The following PLCZ1 variants were observed in gnomAD, a reference collection of about 807,000 sequenced individuals.
The protein encoded by PLCZ1 is 1-phosphatidylinositol 4,5-bisphosphate phosphodiesterase zeta-1.
Under a neutral mutation model 76.8 loss-of-function variants are expected in PLCZ1, and 64 were observed. That is an observed-to-expected ratio of 0.83 (90% CI 0.68 to 1.03). PLCZ1 has a LOEUF of 1.03. Among genes scored for constraint, PLCZ1 ranks in the 50% least tolerant of loss-of-function variants. The pLI is 0.00. For missense variants in PLCZ1, 751 were observed against 713.7 expected (o/e 1.05, Z -0.60); for synonymous variants, 248 against 230.8 (o/e 1.07, Z -0.68).
chr12:18,696,548 T>C (rs1389669489), intron 10 of PLCZ1, among the ~76,000 whole-genome samples: 8 of 151,806 alleles, frequency 5.3e-5, no homozygotes, highest in African/African-American at 1.9e-4. Context: ...ATAATTTATA[T>C]ATTTTTTACA....
chr12:18,688,925 C>G (rs1953618679), intron 12 of PLCZ1, among the ~76,000 whole-genome samples: 1 of 148,194 alleles, frequency 6.7e-6, no homozygotes, highest in South Asian at 2.1e-4. Context: ...TAAGGAGAAA[C>G]AAATATATAA....
intron 13 of PLCZ1, among the ~76,000 whole-genome samples, chr12:18,685,830 T>TCA (rs1953033793): frequency 1.6e-5 from 2 of 123,166 alleles, no homozygotes; most frequent in South Asian, 2.4e-4. Flanking sequence ...TCTCTCTCTG[T>TCA]CACACACACA....
the PLCZ1 span, among the ~76,000 whole-genome samples, chr12:18,649,776 G>T: frequency 6.6e-6 from 1 of 152,140 alleles, no homozygotes; most frequent in Non-Finnish European, 1.5e-5. Flanking sequence ...GATACAATGA[G>T]TAACTCTATC....
the PLCZ1 span, among the ~76,000 whole-genome samples, chr12:18,655,987 A>C: frequency 3.6e-4 from 55 of 152,200 alleles, no homozygotes; most frequent in Admixed American, 9.2e-4. Flanking sequence ...GTAAATTTTA[A>C]TTAAAGTGGA....
At chr12:18,654,561 G>C in the PLCZ1 span, among the ~76,000 whole-genome samples, 1 of 152,164 alleles carries the variant, frequency 6.6e-6, no homozygotes, top group African/African-American at 2.4e-5. Flanking sequence ...AACTGCAAAT[G>C]AGCAAAATTA....
At chr12:18,687,264 A>G (rs7488761) in intron 13 of PLCZ1, among the ~76,000 whole-genome samples, 1 of 152,148 alleles carries the variant, frequency 6.6e-6, no homozygotes, top group South Asian at 2.1e-4. Context: ...GTTAGAAATT[A>G]TTATCCAAGA....
At chr12:18,736,935 A>G (rs1202672031) in intron 2 of PLCZ1, among the ~76,000 whole-genome samples, 1 of 147,952 alleles carries the variant, frequency 6.8e-6, no homozygotes, top group African/African-American at 2.5e-5. Context: ...TGGTGAGTGT[A>G]TATTTGGTAT....
chr12:18,652,723 T>C, the PLCZ1 span, among the ~76,000 whole-genome samples: 1 of 152,140 alleles, frequency 6.6e-6, no homozygotes, highest in Admixed American at 6.6e-5. Flanking sequence ...TCATACAATG[T>C]TGCAAAGTTC....
At chr12:18,679,798 G>A (rs1406035804), downstream of PLCZ1, among the ~76,000 whole-genome samples, 1 of 151,892 alleles carries the variant, frequency 6.6e-6, no homozygotes, top group Non-Finnish European at 1.5e-5. Context: ...GTAGAAAAAG[G>A]GCACTTATCC....
chr12:18,705,648 C>T (rs1307471261), intron 6 of PLCZ1, among the ~76,000 whole-genome samples: 1 of 151,586 alleles, frequency 6.6e-6, no homozygotes, highest in Non-Finnish European at 1.5e-5. Context: ...GGCGGATCAC[C>T]TGAGGTCAGG....
chr12:18,646,671 C>G, the PLCZ1 span, among the ~76,000 whole-genome samples: 10 of 152,210 alleles, frequency 6.6e-5, no homozygotes, highest in African/African-American at 2.4e-4. Context: ...TATCTTGTGA[C>G]TTGGCTGTAA....
At chr12:18,673,589 C>A in the PLCZ1 span, among the ~76,000 whole-genome samples, 1 of 152,148 alleles carries the variant, frequency 6.6e-6, no homozygotes, top group Non-Finnish European at 1.5e-5. Context: ...TGTTATGTAA[C>A]AAATTACTCC....
At chr12:18,673,678 G>C in the PLCZ1 span, among the ~76,000 whole-genome samples, 1 of 152,170 alleles carries the variant, frequency 6.6e-6, no homozygotes, top group Non-Finnish European at 1.5e-5. Flanking sequence ...CAGCTACTGG[G>C]CCCTCTGATT....
intron 3 of PLCZ1, among the ~76,000 whole-genome samples, chr12:18,723,869 T>C (rs1958595512): frequency 6.6e-6 from 1 of 152,082 alleles, no homozygotes; most frequent in Admixed American, 6.6e-5. Context: ...CCAGGCAGTG[T>C]GTAATCTCAT....
chr12:18,730,849 T>A (rs1356275653), intron 3 of PLCZ1: 2 of 152,202 alleles, frequency 1.3e-5, no homozygotes, highest in Non-Finnish European at 2.9e-5. Flanking sequence ...TTGCCTTTAA[T>A]GTAAATTTTA....
the PLCZ1 span, among the ~76,000 whole-genome samples, chr12:18,675,149 A>T: frequency 6.6e-6 from 1 of 152,194 alleles, no homozygotes; most frequent in African/African-American, 2.4e-5. Flanking sequence ...ATTTTAATTT[A>T]TTTAAATATA....
At chr12:18,683,055 T>G, downstream of PLCZ1, 1 of 622,248 alleles carries the variant, frequency 1.6e-6, no homozygotes, top group Non-Finnish European at 2.8e-6. Context: ...TAGGACCCTC[T>G]GAAGTTTCTA....
At chr12:18,707,370 G>A (rs2137344805) in intron 6 of PLCZ1, among the ~76,000 whole-genome samples, 1 of 152,218 alleles carries the variant, frequency 6.6e-6, no homozygotes, top group South Asian at 2.1e-4. Flanking sequence ...CAAAGTGATG[G>A]CCTAAAAGGT....
chr12:18,685,025 G>A (rs1183419545), intron 13 of PLCZ1, among the ~76,000 whole-genome samples: 1 of 152,040 alleles, frequency 6.6e-6, no homozygotes, highest in Non-Finnish European at 1.5e-5. Context: ...ATGAGGAACT[G>A]TGAGTCAATT....
Sources: allele counts gnomAD v4.1 joint callset (sites outside exome capture counted in the v4.1 genomes callset), GRCh38; gene constraint gnomAD v4.1.1; transcripts MANE v1.5; gene names NCBI Gene and HGNC (gene_info 2026-07-23, HGNC 2026-07-21).